The following DPP10 variants were observed in gnomAD, a reference collection of about 807,000 sequenced individuals.
DPP10 encodes dipeptidyl peptidase like 10.
Under a neutral mutation model 120.9 loss-of-function variants are expected in DPP10, and 33 were observed. The ratio of observed to expected loss-of-function variants is 0.27; its 90% CI spans 0.21 to 0.37. The LOEUF (loss-of-function observed/expected upper bound fraction) is 0.37. Among genes scored for constraint, DPP10 ranks in the 10% least tolerant of loss-of-function variants. The probability of loss-of-function intolerance (pLI) is 1.00; values close to 1 mark genes in which losing one functional copy is unlikely to be tolerated. For missense variants in DPP10, 816 were observed against 942.8 expected, an observed-to-expected ratio of 0.87 and a Z score of 1.76; for synonymous variants, 337 against 326.1, an observed-to-expected ratio of 1.03 and a Z score of -0.36.
At chr2:114,541,941 A>G (rs1039245260) in intron 1 of DPP10, among the ~76,000 whole-genome samples, 24 of 152,040 alleles carry the variant, frequency 1.6e-4, no homozygotes, top group African/African-American at 5.3e-4. Context: ...GTAACAGGGA[A>G]AAATGTAAGT....
intron 4 of DPP10, among the ~76,000 whole-genome samples, chr2:115,514,912 T>G (rs1478202933): frequency 6.6e-6 from 1 of 151,844 alleles, no homozygotes; most frequent in Non-Finnish European, 1.5e-5. Flanking sequence ...GTATATATCT[T>G]CATGGATCTA....
At chr2:114,781,115 A>G (rs1391514401) in intron 1 of DPP10, among the ~76,000 whole-genome samples, 1 of 152,164 alleles carries the variant, frequency 6.6e-6, no homozygotes, top group Non-Finnish European at 1.5e-5. Flanking sequence ...GTTGGATAAG[A>G]TAAATAAATG....
At chr2:115,419,269 C>T (rs1213330378) in intron 3 of DPP10, among the ~76,000 whole-genome samples, 1 of 152,106 alleles carries the variant, frequency 6.6e-6, no homozygotes, top group Non-Finnish European at 1.5e-5. Context: ...TTGGATTCAT[C>T]AGAACACAGA....
At chr2:115,497,111 CT>C (rs1370795158) in intron 3 of DPP10, among the ~76,000 whole-genome samples, 1 of 151,984 alleles carries the variant, frequency 6.6e-6, no homozygotes, top group Non-Finnish European at 1.5e-5. Context: ...AGTCACAAAT[CT>C]TGTGACCTCT....
At chr2:115,339,016 A>G (rs188359904) in intron 2 of DPP10, among the ~76,000 whole-genome samples, 1 of 152,292 alleles carries the variant, frequency 6.6e-6, no homozygotes, top group Admixed American at 6.5e-5. Flanking sequence ...TGAAAAGACA[A>G]CTTACAGACT....
intron 1 of DPP10, among the ~76,000 whole-genome samples, chr2:114,973,577 G>A (rs1008810979): frequency 1.4e-5 from 2 of 142,916 alleles, no homozygotes; most frequent in East Asian, 2.1e-4. Context: ...CAGGAGAATG[G>A]CATGAACCCG....
chr2:115,440,069 G>T (rs1177660411), intron 3 of DPP10, among the ~76,000 whole-genome samples: 1 of 151,882 alleles, frequency 6.6e-6, no homozygotes, highest in Non-Finnish European at 1.5e-5. Context: ...CTTTTGAACA[G>T]CATTTTTTTT....
At chr2:114,829,374 CTTT>C (rs375259302) in intron 1 of DPP10, among the ~76,000 whole-genome samples, 1 of 144,870 alleles carries the variant, frequency 6.9e-6, no homozygotes, top group Non-Finnish European at 1.5e-5. Context: ...ACGTTTTTGT[CTTT>C]TTTTTTTTTA....
At chr2:115,621,676 G>GGTTT (rs555350156) in intron 5 of DPP10, among the ~76,000 whole-genome samples, 5 of 151,898 alleles carry the variant, frequency 3.3e-5, no homozygotes, top group Admixed American at 6.6e-5. Flanking sequence ...ATGTATTTTT[G>GGTTT]GTTTGTTTGT....
chr2:115,785,724 C>CT (rs1217435027), intron 17 of DPP10, among the ~76,000 whole-genome samples: 2 of 151,862 alleles, frequency 1.3e-5, no homozygotes, highest in African/African-American at 2.4e-5. Flanking sequence ...ACTTTTCTCT[C>CT]TTTTTTCTTA....
At chr2:114,939,509 G>A (rs1696738082) in intron 1 of DPP10, among the ~76,000 whole-genome samples, 1 of 151,950 alleles carries the variant, frequency 6.6e-6, no homozygotes, top group Non-Finnish European at 1.5e-5. Flanking sequence ...TGACTATCGG[G>A]ATGCACAAAA....
At chr2:115,664,961 G>C (rs139788840) in intron 5 of DPP10, among the ~76,000 whole-genome samples, 1 of 152,038 alleles carries the variant, frequency 6.6e-6, no homozygotes, top group Non-Finnish European at 1.5e-5. Flanking sequence ...TGCTCTAGTC[G>C]CCTATGGCTA....
intron 1 of DPP10, among the ~76,000 whole-genome samples, chr2:115,028,668 C>T (rs1703637022): frequency 6.6e-6 from 1 of 151,896 alleles, no homozygotes. Flanking sequence ...GTCCCCTACT[C>T]TTACTATACT....
At chr2:115,369,033 A>G (rs540478737) in intron 3 of DPP10, among the ~76,000 whole-genome samples, 1 of 152,118 alleles carries the variant, frequency 6.6e-6, no homozygotes, top group South Asian at 2.1e-4. Context: ...GGCTCTGCAT[A>G]TATTAACAGA....
chr2:114,836,310 A>G (rs532775891), intron 1 of DPP10, among the ~76,000 whole-genome samples: 3 of 152,136 alleles, frequency 2.0e-5, no homozygotes, highest in Admixed American at 6.6e-5. Context: ...TCGATATTTC[A>G]TGTAGGTTCT....
At chr2:114,693,117 A>G (rs548953529) in intron 1 of DPP10, among the ~76,000 whole-genome samples, 26 of 152,174 alleles carry the variant, frequency 1.7e-4, no homozygotes, top group Non-Finnish European at 2.1e-4. Context: ...TGATCCTATC[A>G]TCATGATGCT....
intron 5 of DPP10, among the ~76,000 whole-genome samples, chr2:115,659,666 A>C (rs1331831096): frequency 6.6e-6 from 1 of 152,194 alleles, no homozygotes; most frequent in Admixed American, 6.6e-5. Context: ...GATGGCCTTA[A>C]TGCTTATAAT....
intron 4 of DPP10, among the ~76,000 whole-genome samples, chr2:115,503,665 A>G (rs1280793070): frequency 6.6e-6 from 1 of 152,202 alleles, no homozygotes; most frequent in Non-Finnish European, 1.5e-5. Context: ...AGTGATAGAC[A>G]TCAGTAGTGT....
intron 1 of DPP10, among the ~76,000 whole-genome samples, chr2:114,509,784 A>G (rs1683979816): frequency 6.6e-6 from 1 of 152,214 alleles, no homozygotes; most frequent in Non-Finnish European, 1.5e-5. Context: ...ATCAGATGCC[A>G]ATTTGGAAAT....
Sources: gnomAD v4.1 joint callset for allele counts (sites outside exome capture counted in the v4.1 genomes callset) on GRCh38, gnomAD v4.1.1 for gene constraint, MANE v1.5 for transcripts, NCBI Gene and HGNC (gene_info 2026-07-23, HGNC 2026-07-21) for gene names.